Variants in AKR1C3 observed in about 807,000 individuals in gnomAD.
The protein encoded by AKR1C3 is 3-alpha hydroxysteroid dehydrogenase, type II.
Under a neutral mutation model 43.6 loss-of-function variants are expected in AKR1C3, and 48 were observed. That is an observed-to-expected ratio of 1.10 (90% CI 0.87 to 1.40). The LOEUF (loss-of-function observed/expected upper bound fraction) is 1.40, where lower values mean the gene tolerates loss of function less well. Among genes scored for constraint, AKR1C3 ranks in the 40% most tolerant of loss-of-function variants. AKR1C3 has a pLI of 0.00. For synonymous variants in AKR1C3, 162 were observed against 139.6 expected, an observed-to-expected ratio of 1.16 and a Z score of -1.13; for missense variants, 482 against 391.2, an observed-to-expected ratio of 1.23 and a Z score of -1.96.
chr10:5,057,236 G>A (rs782813926), intron 1 of AKR1C3, among the ~76,000 whole-genome samples: 5 of 152,152 alleles, frequency 3.3e-5, no homozygotes, highest in Non-Finnish European at 5.9e-5. Context: ...CTGATAACAG[G>A]CCCTACCAGG....
chr10:5,106,921 A>AAG, intron 8 of AKR1C3, among the ~76,000 whole-genome samples: 1 of 115,878 alleles, frequency 8.6e-6, no homozygotes, highest in Non-Finnish European at 1.9e-5. Flanking sequence ...AATAAATAAA[A>AAG]AAAGGAAACC....
intron 5 of AKR1C3, 130 bp downstream of exon 5, chr10:5,099,579 G>T: frequency 6.8e-7 from 1 of 1,477,104 alleles, no homozygotes; most frequent in Non-Finnish European, 9.1e-7. Flanking sequence ...CAAAGCTTCT[G>T]TCAAGAAAGG....
intron 1 of AKR1C3, among the ~76,000 whole-genome samples, chr10:5,055,789 T>A (rs1163060413): frequency 6.6e-6 from 1 of 152,188 alleles, no homozygotes; most frequent in African/African-American, 2.4e-5. Context: ...TTCTACTAGA[T>A]GAGTATTTGC....
chr10:5,054,385 GCTCTGCACTGA>G (rs1554779329), intron 1 of AKR1C3, among the ~76,000 whole-genome samples: 1 of 152,128 alleles, frequency 6.6e-6, no homozygotes, highest in Non-Finnish European at 1.5e-5. Flanking sequence ...TAGTTGTATG[GCTCTGCACTGA>G]CGGACTTGAG....
intron 1 of AKR1C3, among the ~76,000 whole-genome samples, chr10:5,056,925 A>G (rs1356655403): frequency 6.6e-6 from 1 of 152,234 alleles, no homozygotes; most frequent in African/African-American, 2.4e-5. Context: ...GAGGACAGTC[A>G]TCCAGGACAG....
At chr10:5,060,611 C>T (rs1838363297) in intron 1 of AKR1C3, among the ~76,000 whole-genome samples, 1 of 152,202 alleles carries the variant, frequency 6.6e-6, no homozygotes, top group African/African-American at 2.4e-5. Context: ...GACTCAGGAG[C>T]CCAGCTGGCT....
intron 1 of AKR1C3, among the ~76,000 whole-genome samples, chr10:5,065,695 C>T (rs557670188): frequency 6.6e-6 from 1 of 152,116 alleles, no homozygotes; most frequent in South Asian, 2.1e-4. Context: ...TGCTGTATGC[C>T]CTATGTAAAT....
chr10:5,104,025 T>C (rs1485517062), intron 7 of AKR1C3, among the ~76,000 whole-genome samples: 5 of 151,782 alleles, frequency 3.3e-5, no homozygotes, highest in Non-Finnish European at 5.9e-5. Flanking sequence ...CGTTTAGAGA[T>C]TTAGATGTAT....
intron 1 of AKR1C3, among the ~76,000 whole-genome samples, chr10:5,066,154 T>C (rs577616735): frequency 2.0e-5 from 3 of 152,308 alleles, no homozygotes; most frequent in African/African-American, 7.2e-5. Flanking sequence ...ATGTTTGTTA[T>C]AGAGATTTGC....
intron 7 of AKR1C3, 183 bp from the exon 8 acceptor site, chr10:5,105,412 A>G: frequency 2.0e-6 from 1 of 507,980 alleles, no homozygotes; most frequent in Non-Finnish European, 3.5e-6. Flanking sequence ...AATATCTAGG[A>G]ATGGATTTCT....
intron 2 of AKR1C3, 97 bp from the exon 3 acceptor site, chr10:5,097,337 G>C: frequency 7.0e-7 from 1 of 1,437,078 alleles, no homozygotes; most frequent in Non-Finnish European, 9.5e-7. Flanking sequence ...CATAAATTTT[G>C]AAGCAGTAGG....
intron 1 of AKR1C3, among the ~76,000 whole-genome samples, chr10:5,060,742 G>T (rs950330740): frequency 6.6e-6 from 1 of 151,752 alleles, no homozygotes; most frequent in Non-Finnish European, 1.5e-5. Context: ...GCAGGGGGTG[G>T]CACTTGTTGG....
chr10:5,106,708 C>G (rs1839508347), intron 8 of AKR1C3, among the ~76,000 whole-genome samples: 1 of 150,520 alleles, frequency 6.6e-6, no homozygotes, highest in Admixed American at 6.7e-5. Flanking sequence ...GAGCTGAGAT[C>G]ACACCACTGC....
At chr10:5,072,830 C>T (rs1473050518) in intron 1 of AKR1C3, among the ~76,000 whole-genome samples, 2 of 152,122 alleles carry the variant, frequency 1.3e-5, no homozygotes, top group African/African-American at 2.4e-5. Context: ...TCATTTATCT[C>T]AAGAAGATGC....
At chr10:5,051,409 T>C (rs1239035835) in intron 1 of AKR1C3, among the ~76,000 whole-genome samples, 7 of 152,238 alleles carry the variant, frequency 4.6e-5, no homozygotes, top group African/African-American at 1.7e-4. Context: ...CTTTGTGTTT[T>C]ATGTATTAAG....
chr10:5,077,856 T>A, intron 1 of AKR1C3: 2 of 526,836 alleles, frequency 3.8e-6, no homozygotes, highest in South Asian at 3.2e-5. Context: ...GTTCTCGGAG[T>A]TATTTCTAAA....
intron 1 of AKR1C3, among the ~76,000 whole-genome samples, chr10:5,053,185 G>T (rs182191515): frequency 6.6e-6 from 1 of 152,254 alleles, no homozygotes; most frequent in East Asian, 1.9e-4. Context: ...ACTGGGTGCC[G>T]TGGAGCAGGG....
chr10:5,067,401 C>T (rs1193809514), intron 1 of AKR1C3, among the ~76,000 whole-genome samples: 1 of 152,074 alleles, frequency 6.6e-6, no homozygotes, highest in Non-Finnish European at 1.5e-5. Context: ...GTGTACAATT[C>T]CAAGAGTGTG....
chr10:5,055,373 T>A (rs770055484), intron 1 of AKR1C3, among the ~76,000 whole-genome samples: 9 of 152,230 alleles, frequency 5.9e-5, no homozygotes, highest in Non-Finnish European at 8.8e-5. Context: ...CACATGCATA[T>A]TTGAAGCACC....
Sources: gnomAD v4.1 joint callset for allele counts (sites outside exome capture counted in the v4.1 genomes callset) on GRCh38, gnomAD v4.1.1 for gene constraint, MANE v1.5 for transcripts, NCBI Gene and HGNC (gene_info 2026-07-23, HGNC 2026-07-21) for gene names.